The following SYN2 variants were observed in gnomAD, a reference collection of about 807,000 sequenced individuals.
The protein encoded by SYN2 is synapsin II.
In SYN2, 19 loss-of-function variants were observed where a neutral mutation model predicts 50.9. The observed-to-expected ratio is 0.37, with a 90% CI of 0.26 to 0.55. The LOEUF (loss-of-function observed/expected upper bound fraction) is 0.55, where lower values mean the gene tolerates loss of function less well. SYN2 is among the 20% of genes least tolerant of loss of function. SYN2 has a pLI of 0.81. For missense variants in SYN2, 587 were observed against 576.4 expected (o/e 1.02, Z -0.19); for synonymous variants, 255 against 224.9 (o/e 1.13, Z -1.20).
chr3:12,157,364 T>C, intron 5 of SYN2: 3 of 1,610,804 alleles, frequency 1.9e-6, no homozygotes, highest in Non-Finnish European at 2.5e-6. Flanking sequence ...GGGCTACACA[T>C]CCCAGCCTGC....
chr3:12,065,342 C>G (rs1695193540), intron 1 of SYN2, among the ~76,000 whole-genome samples: 1 of 152,040 alleles, frequency 6.6e-6, no homozygotes. Context: ...ACCCAGCAAT[C>G]CCATTATTGG....
chr3:12,005,309 A>G (rs573516416), intron 1 of SYN2, among the ~76,000 whole-genome samples: 5 of 152,254 alleles, frequency 3.3e-5, no homozygotes, highest in African/African-American at 1.2e-4. Context: ...GGCCGAAGGA[A>G]CATTTAGGGC....
intron 1 of SYN2, among the ~76,000 whole-genome samples, chr3:12,112,754 C>T (rs1322604620): frequency 6.9e-6 from 1 of 145,504 alleles, no homozygotes; most frequent in East Asian, 2.0e-4. Flanking sequence ...TCTTCTGCCT[C>T]CACGTGAAAG....
Position 12,190,924 on chromosome 3 carries a change from A to G in SYN2, c.*299A>G. 8.8e-7 allele frequency: 1 copy of G among 1,130,608 alleles called. No individual in the cohort carries two copies. Among genetic ancestry groups the G allele is most frequent in the Non-Finnish European group, 1.1e-6 (1 of 922,774 alleles). 70.0% of individuals were successfully genotyped at this position (1,130,608 alleles called of 1,614,324 possible). On this transcript the variant is annotated 3_prime_UTR_variant, in exon 13 of 13. Transcript: ENST00000621198. ...GTGAGTTTAGTGGCCTTATTGTGAC[A>G]GTGCCATCATGTCTTATTCTTCCCT...
chr3:12,063,460 T>C (rs1574917850), intron 1 of SYN2, among the ~76,000 whole-genome samples: 2 of 152,164 alleles, frequency 1.3e-5, no homozygotes, highest in South Asian at 2.1e-4. Flanking sequence ...GATAATGCTA[T>C]ACATGTATAC....
At chr3:12,028,931 T>G (rs2125140441) in intron 1 of SYN2, among the ~76,000 whole-genome samples, 1 of 52,010 alleles carries the variant, frequency 1.9e-5, no homozygotes, top group South Asian at 8.5e-4. Flanking sequence ...TTTTGGTGTT[T>G]TGGACATGAA....
intron 5 of SYN2, chr3:12,157,581 G>C: frequency 2.5e-6 from 3 of 1,210,116 alleles, no homozygotes; most frequent in South Asian, 1.3e-5. Flanking sequence ...CTATAGGGCA[G>C]TTCTTGGTTT....
chr3:12,149,151 G>A (rs748612152), intron 4 of SYN2, among the ~76,000 whole-genome samples: 1 of 152,160 alleles, frequency 6.6e-6, no homozygotes, highest in Non-Finnish European at 1.5e-5. Flanking sequence ...GCCACAGGCT[G>A]TCCTGGCATC....
At chr3:12,104,774 C>T (rs1696149632) in intron 1 of SYN2, among the ~76,000 whole-genome samples, 1 of 151,738 alleles carries the variant, frequency 6.6e-6, no homozygotes, top group Non-Finnish European at 1.5e-5. Context: ...GGAGTTTCAC[C>T]ATGTTGGCTA....
chr3:12,185,320 T>C, intron 11 of SYN2: 1 of 985,726 alleles, frequency 1.0e-6, no homozygotes, highest in Non-Finnish European at 1.2e-6. Flanking sequence ...CTCTGCATGT[T>C]ATCAGTGTGT....
At chr3:12,104,695 T>C (rs1330750301) in intron 1 of SYN2, among the ~76,000 whole-genome samples, 2 of 147,594 alleles carry the variant, frequency 1.4e-5, no homozygotes, top group East Asian at 4.2e-4. Context: ...CCTCAGCCTC[T>C]CAAGTAGCTG....
At chr3:12,059,196 A>G (rs868385970) in intron 1 of SYN2, among the ~76,000 whole-genome samples, 4 of 152,206 alleles carry the variant, frequency 2.6e-5, no homozygotes, top group Admixed American at 6.5e-5. Flanking sequence ...GACCTTTCCT[A>G]TGGTGTATAG....
intron 1 of SYN2, among the ~76,000 whole-genome samples, chr3:12,110,690 A>T (rs1481728281): frequency 2.0e-5 from 3 of 152,140 alleles, no homozygotes; most frequent in Non-Finnish European, 2.9e-5. Flanking sequence ...CCGGCCCATG[A>T]AACTATTTTT....
At chr3:12,028,455 A>T (rs1426340838) in intron 1 of SYN2, among the ~76,000 whole-genome samples, 2 of 148,456 alleles carry the variant, frequency 1.3e-5, no homozygotes, top group East Asian at 2.0e-4. Flanking sequence ...CGCCACACTG[A>T]CTTCCACAAT....
intron 1 of SYN2, among the ~76,000 whole-genome samples, chr3:12,137,247 CA>C (rs551962770): frequency 0.18 from 17,829 of 97,824 alleles, 1,311 homozygotes; most frequent in Middle Eastern, 0.31. Flanking sequence ...GATCCTGTCT[CA>C]AAAAAAAAAA....
chr3:12,168,712 C>G (rs1009933184), intron 9 of SYN2, among the ~76,000 whole-genome samples: 3 of 152,210 alleles, frequency 2.0e-5, no homozygotes, highest in African/African-American at 7.2e-5. Context: ...TGTTACCATT[C>G]TCTGTCTCAG....
chr3:12,151,597 C>A lies in SYN2; in HGVS notation c.774+271C>A, dbSNP rs115838730. Among the ~76,000 whole-genome samples, 859 of 152,364 alleles carry A rather than the reference C, an allele frequency of 5.6e-3. 1 individual carries two copies. The highest frequency in any genetic ancestry group is 9.0e-3 in the Non-Finnish European group (614 of 68,038). On this transcript the variant is annotated intron_variant, in intron 5 of 12. Transcript: ENST00000621198. ...CTTCTGGACCAACAATCAGATCTCA[C>A]TGCTTTTGAGTCCCAGCCCTGGCTC...
intron 1 of SYN2, among the ~76,000 whole-genome samples, chr3:12,120,960 T>C (rs904419444): frequency 6.6e-6 from 1 of 152,236 alleles, no homozygotes; most frequent in African/African-American, 2.4e-5. Flanking sequence ...AATCCCCCTC[T>C]GTTATAGTAT....
intron 1 of SYN2, among the ~76,000 whole-genome samples, chr3:12,050,532 C>G (rs1478374627): frequency 3.3e-5 from 5 of 150,896 alleles, no homozygotes; most frequent in Admixed American, 6.6e-5. Flanking sequence ...TATTAGTAGA[C>G]ATGGGGTTTC....
Sources: gnomAD v4.1 joint callset for allele counts (sites outside exome capture counted in the v4.1 genomes callset) on GRCh38, gnomAD v4.1.1 for gene constraint, MANE v1.5 for transcripts, NCBI Gene and HGNC (gene_info 2026-07-23, HGNC 2026-07-21) for gene names.